Variants in DCAF8L2 observed in about 807,000 individuals in gnomAD.
The protein encoded by DCAF8L2 is DDB1- and CUL4-associated factor 8-like protein 2.
For missense variants in DCAF8L2, 430 were observed against 490.7 expected (o/e 0.88, Z 1.17); for synonymous variants, 200 against 190.9 (o/e 1.05, Z -0.39).
chrX:27,470,218 T>G, the DCAF8L2 span, among the ~76,000 whole-genome samples: 1 of 112,379 alleles, frequency 8.9e-6, no homozygotes, highest in Non-Finnish European at 1.9e-5. Context: ...TATAAGGGGT[T>G]TATCAAATAC....
chrX:27,702,690 A>G (rs1256989912), intron 3 of DCAF8L2, among the ~76,000 whole-genome samples: 2 of 111,268 alleles, frequency 1.8e-5, no homozygotes, highest in Non-Finnish European at 3.8e-5. Flanking sequence ...AGCTAGTAAT[A>G]AAAGATAACT....
At position 27,746,726 on chromosome X, in the gene DCAF8L2, T is replaced by C. The variant is rs1922186033; in HGVS notation, c.-58-112T>C. The C allele has an allele frequency of 2.0e-5, 9 of 456,384 alleles. No homozygotes were observed. In the East Asian group the frequency reaches 3.4e-4, roughly 17 times the overall value. The allele number at this position is 456,384 out of a possible 1,213,427, so 37.6% of individuals were successfully genotyped here. On this transcript the variant is annotated intron_variant, in intron 4 of 4. Coordinates refer to ENST00000451261, the MANE Select transcript of DCAF8L2 (RefSeq NM_001353450.2). ...TGGGATCCCATACTGGCAACTGCCTTGGCAGAATAGTTTATTTAGTCTCCT... is the reference window on the plus strand; with the variant it reads ...TGGGATCCCATACTGGCAACTGCCTCGGCAGAATAGTTTATTTAGTCTCCT...
chrX:27,501,763 C>A, the DCAF8L2 span, among the ~76,000 whole-genome samples: 3 of 110,665 alleles, frequency 2.7e-5, no homozygotes, highest in Admixed American at 9.6e-5. Flanking sequence ...GTTTTATGGA[C>A]CCTGGCATGG....
chrX:27,529,324 G>T, the DCAF8L2 span, among the ~76,000 whole-genome samples: 9,492 of 110,840 alleles, frequency 0.086, 457 homozygotes, highest in East Asian at 0.36. Flanking sequence ...GAAGGGCTAA[G>T]AAATTATTAC....
chrX:27,652,817 G>A (rs987713904), intron 2 of DCAF8L2, among the ~76,000 whole-genome samples: 1 of 111,738 alleles, frequency 8.9e-6, no homozygotes, highest in African/African-American at 3.3e-5. Flanking sequence ...ATATGTGACT[G>A]TCCCTGGAAT....
the DCAF8L2 span, among the ~76,000 whole-genome samples, chrX:27,567,232 G>T: frequency 6.4e-5 from 7 of 109,507 alleles, no homozygotes; most frequent in Non-Finnish European, 1.1e-4. Flanking sequence ...GTATATGTCT[G>T]TTGGTTCCAT....
the DCAF8L2 span, among the ~76,000 whole-genome samples, chrX:27,491,735 A>G: frequency 9.6e-6 from 1 of 104,179 alleles, no homozygotes; most frequent in Admixed American, 1.0e-4. Flanking sequence ...GATGATCTCT[A>G]GTTACTTTCA....
chrX:27,587,116 T>A (rs1310911246), upstream of DCAF8L2, among the ~76,000 whole-genome samples: 1 of 110,814 alleles, frequency 9.0e-6, no homozygotes, highest in Non-Finnish European at 1.9e-5. Flanking sequence ...GAAAAAAAAA[T>A]TGAAAATTAT....
chrX:27,616,835 A>G (rs936289586), intron 1 of DCAF8L2, among the ~76,000 whole-genome samples: 1 of 111,705 alleles, frequency 9.0e-6, no homozygotes, highest in Non-Finnish European at 1.9e-5. Flanking sequence ...CTTGTTGCCC[A>G]GAAAGTAGAG....
chrX:27,576,091 A>G, the DCAF8L2 span, among the ~76,000 whole-genome samples: 1 of 112,625 alleles, frequency 8.9e-6, no homozygotes, highest in East Asian at 2.8e-4. Flanking sequence ...ATCTTCATTA[A>G]TAAGTCAAAG....
intron 4 of DCAF8L2, among the ~76,000 whole-genome samples, chrX:27,726,953 G>A (rs916003064): frequency 1.8e-5 from 2 of 111,666 alleles, no homozygotes; most frequent in Admixed American, 1.9e-4. Context: ...TGGATCAGGG[G>A]ATCTGCATAT....
At chrX:27,641,229 A>G (rs1928704849) in intron 2 of DCAF8L2, among the ~76,000 whole-genome samples, 1 of 111,280 alleles carries the variant, frequency 9.0e-6, no homozygotes, top group Admixed American at 9.6e-5. Context: ...ATTTCCTTCT[A>G]CCTAAAGGAT....
intron 2 of DCAF8L2, among the ~76,000 whole-genome samples, chrX:27,648,543 A>T (rs1470732964): frequency 9.3e-6 from 1 of 107,201 alleles, no homozygotes; most frequent in Admixed American, 1.0e-4. Context: ...ATATATATGT[A>T]TATATCTGCT....
chrX:27,747,024 C>T lies in DCAF8L2; in HGVS notation c.129C>T (p.Thr43=), dbSNP rs376826675. The T allele has an allele frequency of 5.9e-6, 7 of 1,178,452 alleles. No homozygotes were observed. Among genetic ancestry groups the T allele is most frequent in the South Asian group, 1.9e-5 (1 of 53,321 alleles). ...CCTCCTCAGACATTGACATAGCGAC[C>T]TCAGAGCTGAGTGTGACAGTGACCG... ...TEASSDIDIA[T]SELSVTVTGD... The change falls in exon 5 of 5, where the codon ACC becomes ACT. Residue 43 remains threonine (T), a synonymous_variant. Coordinates refer to ENST00000451261, the MANE Select transcript of DCAF8L2 (RefSeq NM_001353450.2).
chrX:27,712,098 T>C (rs1318945164), intron 3 of DCAF8L2, among the ~76,000 whole-genome samples: 2 of 111,458 alleles, frequency 1.8e-5, no homozygotes, highest in African/African-American at 6.5e-5. Flanking sequence ...TTATTATTAA[T>C]ATAGCTAGGG....
chrX:27,484,992 T>C, the DCAF8L2 span, among the ~76,000 whole-genome samples: 1 of 111,728 alleles, frequency 9.0e-6, no homozygotes. Flanking sequence ...GAGAGGCAGT[T>C]TATATTTGAA....
chrX:27,626,083 A>G (rs1476721620), intron 1 of DCAF8L2, among the ~76,000 whole-genome samples: 1 of 112,157 alleles, frequency 8.9e-6, no homozygotes, highest in Non-Finnish European at 1.9e-5. Flanking sequence ...ATGTTACCAG[A>G]GCCCAAGATC....
Position 27,607,683 on chromosome X carries a change from T to C in DCAF8L2, c.-342+17243T>C, listed in dbSNP as rs1462340068. Among the ~76,000 whole-genome samples the C allele has an allele frequency of 2.7e-5, 3 of 112,302 alleles. No individual in the cohort carries two copies. In the East Asian group the frequency reaches 8.4e-4, roughly 31 times the overall value. ...CTCAGTGGACGTTATCTTCTGCACA[T>C]ATTTTCACAAATAACCATGATTTTC... On this transcript the variant is annotated intron_variant, in intron 1 of 4. Coordinates refer to ENST00000451261, the MANE Select transcript of DCAF8L2 (RefSeq NM_001353450.2).
chrX:27,524,909 T>C, the DCAF8L2 span, among the ~76,000 whole-genome samples: 1 of 112,220 alleles, frequency 8.9e-6, no homozygotes, highest in East Asian at 2.8e-4. Context: ...TTGTTATAAT[T>C]TCTGTTCTTT....
Sources: gnomAD v4.1 joint callset for allele counts (sites outside exome capture counted in the v4.1 genomes callset) on GRCh38, gnomAD v4.1.1 for gene constraint, MANE v1.5 for transcripts, NCBI Gene and HGNC (gene_info 2026-07-23, HGNC 2026-07-21) for gene names.